The following FAT4 variants were observed in gnomAD, a reference collection of about 807,000 sequenced individuals.
The protein encoded by FAT4 is FAT atypical cadherin 4.
Under a neutral mutation model 303.9 loss-of-function variants are expected in FAT4, and 84 were observed. That is an observed-to-expected ratio of 0.28 (90% confidence interval 0.23 to 0.33). The LOEUF is 0.33. Among genes scored for constraint, FAT4 ranks in the 10% least tolerant of loss-of-function variants. FAT4 has a pLI of 1.00. For missense variants in FAT4, 6,005 were observed against 6,146.8 expected (o/e 0.98, Z 0.77); for synonymous variants, 2,307 against 2,298.8 (o/e 1.00, Z -0.10).
chr4:125,331,617 C>T (rs1019781904), intron 2 of FAT4, among the ~76,000 whole-genome samples: 1 of 152,116 alleles, frequency 6.6e-6, no homozygotes, highest in South Asian at 2.1e-4. Flanking sequence ...GTATGCTACA[C>T]CATCTCATGT....
intron 2 of FAT4, among the ~76,000 whole-genome samples, chr4:125,390,743 T>C (rs529899425): frequency 3.3e-5 from 5 of 152,296 alleles, no homozygotes; most frequent in African/African-American, 1.2e-4. Flanking sequence ...TGGTGTTTAG[T>C]GTAGCAGCTT....
intron 2 of FAT4, among the ~76,000 whole-genome samples, chr4:125,349,876 G>T (rs1281842044): frequency 2.0e-5 from 3 of 151,604 alleles, no homozygotes; most frequent in African/African-American, 7.3e-5. Context: ...AAACAATTCA[G>T]AGTGCTTCAG....
intron 2 of FAT4, among the ~76,000 whole-genome samples, chr4:125,386,556 C>T (rs1318150332): frequency 6.6e-6 from 1 of 152,138 alleles, no homozygotes; most frequent in Non-Finnish European, 1.5e-5. Flanking sequence ...AGGTGTGAGC[C>T]ACTGCACCTG....
At chr4:125,396,586 G>A (rs1486150833) in intron 2 of FAT4, among the ~76,000 whole-genome samples, 4 of 151,914 alleles carry the variant, frequency 2.6e-5, no homozygotes, top group South Asian at 4.2e-4. Flanking sequence ...ATAAACACAC[G>A]TACATTTTTT....
intron 10 of FAT4, among the ~76,000 whole-genome samples, chr4:125,461,992 A>G (rs1444318451): frequency 6.6e-6 from 1 of 151,994 alleles, no homozygotes; most frequent in Non-Finnish European, 1.5e-5. Context: ...TGTGCCCATA[A>G]ATTTGTAACT....
Position 125,428,247 on chromosome 4 carries a change from G to A in FAT4, c.7019-5998G>A, listed in dbSNP as rs1437858917. On this transcript the variant is annotated intron_variant, in intron 7 of 17. Transcript: ENST00000394329. ...CGGGAGGCGGAGGTTGCAGTGAGCC[G>A]AGATCACACCGCTGCTCTTCAGCCT... Among the ~76,000 whole-genome samples the A allele has an allele frequency of 2.0e-5, 3 of 151,504 alleles. No individual in the cohort carries two copies. In the East Asian group the frequency reaches 5.9e-4, roughly 30 times the overall value.
chr4:125,468,840 GT>G, intron 12 of FAT4, 21 bp downstream of exon 12: 1 of 1,595,060 alleles, frequency 6.3e-7, no homozygotes, highest in Admixed American at 1.7e-5. Context: ...TCATTTTATT[GT>G]TGTTGTATAT....
chr4:125,380,863 G>T (rs934614384), intron 2 of FAT4, among the ~76,000 whole-genome samples: 10 of 152,124 alleles, frequency 6.6e-5, no homozygotes, highest in Admixed American at 2.6e-4. Flanking sequence ...TTCTTAAAAT[G>T]CAATCATTTA....
chr4:125,396,251 T>C (rs1387238913), intron 2 of FAT4, among the ~76,000 whole-genome samples: 1 of 152,006 alleles, frequency 6.6e-6, no homozygotes, highest in African/African-American at 2.4e-5. Context: ...TCTGCTGAGG[T>C]TTTTATATGT....
At chr4:125,386,774 A>G (rs1733766686) in intron 2 of FAT4, among the ~76,000 whole-genome samples, 1 of 152,224 alleles carries the variant, frequency 6.6e-6, no homozygotes, top group Non-Finnish European at 1.5e-5. Flanking sequence ...ATACAACACA[A>G]GACTCTAGAA....
intron 2 of FAT4, among the ~76,000 whole-genome samples, chr4:125,395,144 T>C (rs1734118026): frequency 6.6e-6 from 1 of 152,126 alleles, no homozygotes; most frequent in Admixed American, 6.6e-5. Flanking sequence ...AGTTCAGATC[T>C]TCTCTCCTAG....
chr4:125,475,553 T>C (rs1726997851), intron 12 of FAT4, among the ~76,000 whole-genome samples: 1 of 152,148 alleles, frequency 6.6e-6, no homozygotes, highest in African/African-American at 2.4e-5. Context: ...TCTACAGTAA[T>C]ACATCCTGAT....
intron 8 of FAT4, 112 bp downstream of exon 8, chr4:125,434,537 C>T: frequency 1.1e-6 from 1 of 879,252 alleles, no homozygotes; most frequent in Non-Finnish European, 1.7e-6. Flanking sequence ...CACATATCCT[C>T]TTCTTGTTAT....
intron 7 of FAT4, among the ~76,000 whole-genome samples, chr4:125,431,506 A>G (rs1725283267): frequency 6.6e-6 from 1 of 152,218 alleles, no homozygotes; most frequent in Non-Finnish European, 1.5e-5. Flanking sequence ...TATAATAAAA[A>G]ATGACTTTTT....
At chr4:125,367,382 G>T (rs1421703773) in intron 2 of FAT4, among the ~76,000 whole-genome samples, 1 of 152,038 alleles carries the variant, frequency 6.6e-6, no homozygotes, top group Non-Finnish European at 1.5e-5. Flanking sequence ...AGAACACAAA[G>T]GTTATAGAGG....
At chr4:125,489,725 G>A (rs1209213858) in intron 17 of FAT4, among the ~76,000 whole-genome samples, 176 bp from the exon 18 acceptor site, 3 of 151,884 alleles carry the variant, frequency 2.0e-5, no homozygotes, top group African/African-American at 7.3e-5. Context: ...GTTATAAGAT[G>A]CACAGCTTAA....
Position 125,318,176 on chromosome 4 carries a change from G to A in FAT4, c.1765G>A (p.Asp589Asn). 1 of 1,614,186 alleles carries A rather than the reference G, an allele frequency of 6.2e-7. No individual in the cohort carries two copies. Among genetic ancestry groups the A allele is most frequent in the African/African-American group, 1.3e-5 (1 of 75,056 alleles). ...KPVFSQPEGY[D>N]VSVVENAPTG... ...AGTATTTAGCCAGCCAGAAGGGTAT[G>A]ATGTGTCTGTGGTTGAGAATGCCCC... Residue 589 changes from aspartate (D) to asparagine (N), a missense_variant, in exon 2 of 18, where the codon GAT becomes AAT. Transcript: ENST00000394329.
chr4:125,382,924 C>T (rs1733596377), intron 2 of FAT4, among the ~76,000 whole-genome samples: 1 of 152,152 alleles, frequency 6.6e-6, no homozygotes, highest in African/African-American at 2.4e-5. Context: ...ACCTTATGAA[C>T]CAAGCCCTGC....
At chr4:125,342,423 T>G (rs986951337) in intron 2 of FAT4, among the ~76,000 whole-genome samples, 1 of 152,026 alleles carries the variant, frequency 6.6e-6, no homozygotes, top group Non-Finnish European at 1.5e-5. Flanking sequence ...CTGGTTTTGT[T>G]CAGAATCCCT....
Sources: allele counts gnomAD v4.1 joint callset (sites outside exome capture counted in the v4.1 genomes callset), GRCh38; gene constraint gnomAD v4.1.1; transcripts MANE v1.5; gene names NCBI Gene and HGNC (gene_info 2026-07-23, HGNC 2026-07-21).